The following CRADD variants were observed in gnomAD, a reference collection of about 807,000 sequenced individuals.
CRADD encodes the protein CARD and death domain containing adaptor protein, also known as death domain-containing protein CRADD.
In CRADD, 9 loss-of-function variants were observed where a neutral mutation model predicts 15.5. That is an observed-to-expected ratio of 0.58 (90% CI 0.35 to 1.01). The LOEUF (loss-of-function observed/expected upper bound fraction) is 1.01, where lower values mean the gene tolerates loss of function less well. CRADD is among the 50% of genes least tolerant of loss of function. The pLI is 0.02. For synonymous variants in CRADD, 118 were observed against 107.6 expected, an observed-to-expected ratio of 1.10 and a Z score of -0.60; for missense variants, 227 against 250.3, an observed-to-expected ratio of 0.91 and a Z score of 0.63.
chr12:93,711,866 G>A (rs1330342240), intron 2 of CRADD, among the ~76,000 whole-genome samples: 2 of 150,802 alleles, frequency 1.3e-5, no homozygotes, highest in East Asian at 3.9e-4. Flanking sequence ...AGTGATTCTT[G>A]TGCCTCAGCC....
At chr12:93,770,633 CT>C (rs1291825731) in intron 2 of CRADD, among the ~76,000 whole-genome samples, 2 of 152,210 alleles carry the variant, frequency 1.3e-5, no homozygotes, top group Admixed American at 1.3e-4. Context: ...ATGGGTCCAG[CT>C]GTGGACTCCT....
rs1838487960 is a variant in CRADD at position 93,717,288 on chromosome 12, T to C, written c.298+38216T>C. Among the ~76,000 whole-genome samples the C allele has an allele frequency of 2.6e-5, 4 of 152,336 alleles. No homozygotes were observed. In the South Asian group the frequency reaches 8.3e-4, roughly 32 times the overall value. Reference sequence around the variant, plus strand: ...TTTGGTAACAGCCCTTTATCATATGTGTCCTCTGCAAATATTTTTTCTAGT... The same window carrying C: ...TTTGGTAACAGCCCTTTATCATATGCGTCCTCTGCAAATATTTTTTCTAGT... On this transcript the variant is annotated intron_variant, in intron 2 of 2. Transcript: ENST00000332896.
At chr12:93,866,278 C>T (rs1958366722) in intron 2 of CRADD, among the ~76,000 whole-genome samples, 1 of 152,064 alleles carries the variant, frequency 6.6e-6, no homozygotes, top group African/African-American at 2.4e-5. Context: ...TATTGGACTT[C>T]CTGGCTTGAT....
At chr12:93,714,834 TTGTC>T (rs1956134071) in intron 2 of CRADD, 1 of 152,208 alleles carries the variant, frequency 6.6e-6, no homozygotes, top group Non-Finnish European at 1.5e-5. Flanking sequence ...TTGGGCAGAA[TTGTC>T]TCATGGCCAC....
At chr12:93,862,765 A>C (rs1400573748) in intron 2 of CRADD, among the ~76,000 whole-genome samples, 1 of 152,212 alleles carries the variant, frequency 6.6e-6, no homozygotes, top group African/African-American at 2.4e-5. Flanking sequence ...AACTTATTTG[A>C]CATTGAAAAC....
rs117799526 is a variant in CRADD, at chr12:93,813,089, A to G, written c.299-36881A>G. On this transcript the variant is annotated intron_variant, in intron 2 of 2. Coordinates refer to ENST00000332896, the MANE Select transcript of CRADD (RefSeq NM_003805.5). ...AAAAGAATTGTATCACAAAGCATTA[A>G]GACAATGCACAGAAAACTTTGCCAA... Among the ~76,000 whole-genome samples, 39 of 152,390 alleles carry G rather than the reference A, an allele frequency of 2.6e-4. No homozygotes were observed. The East Asian group carries it at 7.3e-3, about 29-fold the overall frequency.
At chr12:93,696,590 T>C (rs529581963) in intron 2 of CRADD, among the ~76,000 whole-genome samples, 6 of 152,090 alleles carry the variant, frequency 3.9e-5, no homozygotes, top group South Asian at 2.1e-4. Context: ...GGAGATGTGA[T>C]TGGGGAGATG....
At chr12:93,877,139 G>C (rs1958463191) in intron 2 of CRADD, among the ~76,000 whole-genome samples, 1 of 152,168 alleles carries the variant, frequency 6.6e-6, no homozygotes, top group African/African-American at 2.4e-5. Context: ...AGAGACTCTT[G>C]TTCTCTTCCC....
chr12:93,766,431 A>C (rs1326282177), intron 2 of CRADD, among the ~76,000 whole-genome samples: 1 of 152,216 alleles, frequency 6.6e-6, no homozygotes, highest in Non-Finnish European at 1.5e-5. Context: ...TTTCTGATTG[A>C]AACAAAAGCT....
intron 2 of CRADD, among the ~76,000 whole-genome samples, chr12:93,799,835 A>G (rs1168706873): frequency 6.6e-6 from 1 of 152,188 alleles, no homozygotes; most frequent in East Asian, 1.9e-4. Flanking sequence ...CATCAAAACA[A>G]CCTATATCAA....
intron 2 of CRADD, among the ~76,000 whole-genome samples, chr12:93,861,799 G>A (rs1204560874): frequency 6.6e-6 from 1 of 152,186 alleles, no homozygotes; most frequent in Non-Finnish European, 1.5e-5. Context: ...GTGAGCAGTG[G>A]TCAGGTTCTG....
rs371087952 is a variant in CRADD, at chr12:93,721,162, TCAAA to T, written c.298+42093_298+42096del. Among the ~76,000 whole-genome samples, 59 of 152,320 alleles carry T rather than the reference TCAAA, an allele frequency of 3.9e-4. No individual in the cohort carries two copies. In the East Asian group the frequency reaches 8.7e-3, roughly 22 times the overall value. On this transcript the variant is annotated intron_variant, in intron 2 of 2. Transcript: ENST00000332896. ...CCAGGCAGGTCTCAAACTCATGGGCTCAAACAGTCTTCCCATCTTGGCCTCCCAA... is the reference window on the plus strand; with the variant it reads ...CCAGGCAGGTCTCAAACTCATGGGCTCAGTCTTCCCATCTTGGCCTCCCAA...
At chr12:93,732,100 C>T (rs985362635) in intron 2 of CRADD, among the ~76,000 whole-genome samples, 33 of 150,190 alleles carry the variant, frequency 2.2e-4, no homozygotes, top group African/African-American at 7.9e-4. Context: ...GGCACCATTG[C>T]ACTCCAGCCT....
intron 2 of CRADD, among the ~76,000 whole-genome samples, chr12:93,730,063 A>G (rs557469631): frequency 6.6e-6 from 1 of 152,340 alleles, no homozygotes; most frequent in African/African-American, 2.4e-5. Context: ...CACTACTACT[A>G]GCAGGTACCA....
chr12:93,754,731 A>G (rs1412701664), intron 2 of CRADD, among the ~76,000 whole-genome samples: 3 of 152,202 alleles, frequency 2.0e-5, no homozygotes, highest in Non-Finnish European at 2.9e-5. Flanking sequence ...AGCCATTCAA[A>G]AAATCTCTAG....
At chr12:93,721,687 T>C (rs1333116135) in intron 2 of CRADD, among the ~76,000 whole-genome samples, 1 of 152,200 alleles carries the variant, frequency 6.6e-6, no homozygotes, top group Non-Finnish European at 1.5e-5. Flanking sequence ...CATAAGATGA[T>C]GTATGTAGAT....
intron 2 of CRADD, among the ~76,000 whole-genome samples, chr12:93,844,042 G>A (rs1319999564): frequency 6.6e-6 from 1 of 152,078 alleles, no homozygotes; most frequent in Non-Finnish European, 1.5e-5. Context: ...ATTTTTAACT[G>A]ACTTTTAAGT....
At chr12:93,869,063 GA>G (rs1346661989) in intron 2 of CRADD, among the ~76,000 whole-genome samples, 2 of 152,182 alleles carry the variant, frequency 1.3e-5, no homozygotes, top group African/African-American at 4.8e-5. Flanking sequence ...GTACTGGAGA[GA>G]TACAGTTTGA....
chr12:93,696,701 C>T (rs1377658663), intron 2 of CRADD, among the ~76,000 whole-genome samples: 1 of 151,536 alleles, frequency 6.6e-6, no homozygotes, highest in Admixed American at 6.6e-5. Flanking sequence ...TACAGTTGGC[C>T]CTTTGTATCT....
Sources: allele counts gnomAD v4.1 joint callset (sites outside exome capture counted in the v4.1 genomes callset), GRCh38; gene constraint gnomAD v4.1.1; transcripts MANE v1.5; gene names NCBI Gene and HGNC (gene_info 2026-07-23, HGNC 2026-07-21).